Variants in CELF2 observed in about 807,000 individuals in gnomAD.
The protein encoded by CELF2 is CUGBP Elav-like family member 2.
In CELF2, 8 loss-of-function variants were observed where a neutral mutation model predicts 62.6. The observed-to-expected ratio is 0.13, with a 90% CI of 0.07 to 0.23. The LOEUF (loss-of-function observed/expected upper bound fraction) is 0.23, where lower values mean the gene tolerates loss of function less well. Ranked by LOEUF, CELF2 falls within the 10% of genes least tolerant of loss-of-function variation. The probability of loss-of-function intolerance (pLI) is 1.00; values close to 1 mark genes in which losing one functional copy is unlikely to be tolerated. For missense variants in CELF2, 333 were observed against 671.0 expected, an observed-to-expected ratio of 0.50 and a Z score of 5.56; for synonymous variants, 258 against 250.0, an observed-to-expected ratio of 1.03 and a Z score of -0.30.
chr10:10,903,817 C>T (rs2063124517), intron 1 of CELF2, among the ~76,000 whole-genome samples: 1 of 152,142 alleles, frequency 6.6e-6, no homozygotes, highest in Non-Finnish European at 1.5e-5. Flanking sequence ...GCCTTGGGCT[C>T]TTCTATAGTG....
At chr10:10,835,519 G>A (rs1012274011) in intron 1 of CELF2, among the ~76,000 whole-genome samples, 6 of 151,924 alleles carry the variant, frequency 3.9e-5, no homozygotes, top group Non-Finnish European at 7.4e-5. Flanking sequence ...AGTAGCTGGG[G>A]CTACAGATGC....
the CELF2 span, among the ~76,000 whole-genome samples, chr10:10,538,490 T>A: frequency 3.9e-5 from 6 of 152,112 alleles, no homozygotes; most frequent in African/African-American, 1.4e-4. Context: ...TCTGGTTAAA[T>A]CTCCTGCAGC....
intron 1 of CELF2, among the ~76,000 whole-genome samples, chr10:11,091,082 T>C (rs560687861): frequency 2.0e-5 from 3 of 152,308 alleles, no homozygotes; most frequent in Admixed American, 6.5e-5. Flanking sequence ...TCCTTTTGAA[T>C]AGGATGATTT....
the CELF2 span, among the ~76,000 whole-genome samples, chr10:10,509,628 T>C: frequency 6.6e-6 from 1 of 152,236 alleles, no homozygotes; most frequent in African/African-American, 2.4e-5. Context: ...GACATCATTC[T>C]ACAGAATAAA....
intron 4 of CELF2, among the ~76,000 whole-genome samples, chr10:11,252,786 A>C (rs1049908540): frequency 6.6e-6 from 1 of 152,060 alleles, no homozygotes; most frequent in Admixed American, 6.6e-5. Context: ...AAATAATCCC[A>C]CTCTGGAGAA....
At chr10:10,783,491 C>G in the CELF2 span, among the ~76,000 whole-genome samples, 1 of 152,192 alleles carries the variant, frequency 6.6e-6, no homozygotes, top group Admixed American at 6.5e-5. Flanking sequence ...AGTACCGACA[C>G]CATGATCTTA....
At chr10:10,643,382 C>T in the CELF2 span, among the ~76,000 whole-genome samples, 228 of 152,198 alleles carry the variant, frequency 1.5e-3, no homozygotes, top group African/African-American at 4.8e-3. Context: ...TTCTATAAAG[C>T]GCAGTTCCCC....
chr10:10,554,061 G>A, the CELF2 span, among the ~76,000 whole-genome samples: 2 of 152,164 alleles, frequency 1.3e-5, no homozygotes, highest in Non-Finnish European at 2.9e-5. Flanking sequence ...GGGAGCCATT[G>A]TGTGATCCCA....
At chr10:10,515,307 A>C in the CELF2 span, among the ~76,000 whole-genome samples, 1 of 151,602 alleles carries the variant, frequency 6.6e-6, no homozygotes, top group Non-Finnish European at 1.5e-5. Flanking sequence ...CAATTCAATT[A>C]TGTGCTAAAA....
intron 1 of CELF2, among the ~76,000 whole-genome samples, chr10:10,803,482 A>G (rs1403728443): frequency 6.6e-6 from 1 of 152,186 alleles, no homozygotes; most frequent in African/African-American, 2.4e-5. Flanking sequence ...TTCCTTAGCT[A>G]TTGGCAGGGT....
chr10:11,205,147 T>C (rs1333099445), intron 2 of CELF2, among the ~76,000 whole-genome samples: 4 of 152,242 alleles, frequency 2.6e-5, no homozygotes, highest in African/African-American at 9.6e-5. Context: ...GGGTGAACTC[T>C]GCTAGTTCCA....
chr10:11,147,316 G>A (rs777274940), intron 1 of CELF2, among the ~76,000 whole-genome samples: 4 of 152,150 alleles, frequency 2.6e-5, no homozygotes, highest in Non-Finnish European at 5.9e-5. Context: ...AGAAATTGTG[G>A]TGCCAGCAGT....
In CELF2 at chr10:11,066,578, C is replaced by T. The variant is rs1339683153; in HGVS notation, c.74+48415C>T. Among the ~76,000 whole-genome samples the T allele has an allele frequency of 2.1e-4, 32 of 152,136 alleles. 1 individual carries two copies. Among genetic ancestry groups the T allele is most frequent in the Admixed American group, 2.1e-3 (32 of 15,282 alleles). ...CCTCCCACCCTAAGATTTCCCCAGA[C>T]CCCCATGAGCATCCCACTTGTCAGC... is the stretch of plus-strand genomic sequence containing the variant. On this transcript the variant is annotated intron_variant, in intron 1 of 12. Coordinates refer to ENST00000633077, the MANE Select transcript of CELF2 (RefSeq NM_001326342.2).
chr10:10,729,588 C>T, the CELF2 span, among the ~76,000 whole-genome samples: 1 of 152,014 alleles, frequency 6.6e-6, no homozygotes, highest in Non-Finnish European at 1.5e-5. Context: ...GCCTGGGCAA[C>T]AGAGCAAGAC....
intron 8 of CELF2, among the ~76,000 whole-genome samples, chr10:11,279,697 A>C (rs2087563717): frequency 6.6e-6 from 1 of 152,254 alleles, no homozygotes; most frequent in African/African-American, 2.4e-5. Flanking sequence ...AAAATTACCT[A>C]AGGTGAACAT....
At chr10:10,897,924 A>G (rs888849974) in intron 1 of CELF2, among the ~76,000 whole-genome samples, 2 of 152,366 alleles carry the variant, frequency 1.3e-5, no homozygotes, top group Non-Finnish European at 2.9e-5. Context: ...GGCAGAGGCC[A>G]GAAAAGTGGA....
the CELF2 span, among the ~76,000 whole-genome samples, chr10:10,552,304 T>C: frequency 6.6e-6 from 1 of 152,180 alleles, no homozygotes; most frequent in Non-Finnish European, 1.5e-5. Context: ...AATGAATGGA[T>C]AGGCAGAAAG....
the CELF2 span, among the ~76,000 whole-genome samples, chr10:10,698,138 A>G: frequency 0.017 from 2,645 of 152,338 alleles, 40 homozygotes; most frequent in African/African-American, 0.042. Context: ...ACATCAAGCC[A>G]TAGCTAAATA....
At chr10:10,991,569 A>G (rs1332881683) in intron 2 of CELF2, among the ~76,000 whole-genome samples, 1 of 152,220 alleles carries the variant, frequency 6.6e-6, no homozygotes, top group East Asian at 1.9e-4. Flanking sequence ...TTACACTGAG[A>G]CAAGGTTATC....
Sources: gnomAD v4.1 joint callset for allele counts (sites outside exome capture counted in the v4.1 genomes callset) on GRCh38, gnomAD v4.1.1 for gene constraint, MANE v1.5 for transcripts, NCBI Gene and HGNC (gene_info 2026-07-23, HGNC 2026-07-21) for gene names.